The following STX3 variants were observed in gnomAD, a reference collection of about 807,000 sequenced individuals.
STX3 encodes syntaxin 3.
STX3 carries 19 observed loss-of-function variants against 40.2 expected under a neutral mutation model. The ratio of observed to expected loss-of-function variants is 0.47; its 90% confidence interval spans 0.33 to 0.69. The LOEUF (loss-of-function observed/expected upper bound fraction) is 0.69. Among genes scored for constraint, STX3 ranks in the 30% least tolerant of loss-of-function variants. The pLI, the probability that STX3 is intolerant of heterozygous loss-of-function variation, is 0.02. For synonymous variants in STX3, 122 were observed against 132.2 expected (o/e 0.92, Z 0.53); for missense variants, 364 against 366.7 (o/e 0.99, Z 0.06).
At chr11:59,772,974 AACAC>A (rs3035302) in intron 1 of STX3, among the ~76,000 whole-genome samples, 5,231 of 140,592 alleles carry the variant, frequency 0.037, 184 homozygotes, top group African/African-American at 0.1. Flanking sequence ...CCCTGAAAGA[AACAC>A]ACACACACAC....
chr11:59,779,276 C>T (rs532174940), intron 2 of STX3, among the ~76,000 whole-genome samples: 2 of 152,300 alleles, frequency 1.3e-5, no homozygotes, highest in South Asian at 2.1e-4. Context: ...CCAGCATGAT[C>T]GGGTTCTGGT....
intron 2 of STX3, chr11:59,781,246 A>T (rs921871304): frequency 2.0e-5 from 22 of 1,096,196 alleles, no homozygotes; most frequent in South Asian, 1.3e-5. Context: ...CAGTATGGAG[A>T]TTTGCTCATT....
chr11:59,755,735 G>A (rs1862675967), intron 1 of STX3, 100 bp downstream of exon 1: 2 of 1,405,444 alleles, frequency 1.4e-6, no homozygotes, highest in African/African-American at 1.5e-5. Flanking sequence ...GGCCCGAGCC[G>A]GAGGCTTGCC....
rs996538708 is a variant in STX3 at position 59,788,782 on chromosome 11, A to G, written c.215-91A>G. 3 of 1,097,182 alleles carry G rather than the reference A, an allele frequency of 2.7e-6. No individual in the cohort carries two copies. The African/African-American group carries it at 4.7e-5, about 17-fold the overall frequency. The allele number at this position is 1,097,182 out of a possible 1,614,324, so 68.0% of individuals were successfully genotyped here. A position where few individuals can be genotyped will look rare whatever the true frequency, so the allele number is the denominator to read the frequency against. On this transcript the variant is annotated intron_variant, in intron 3 of 10. Transcript: ENST00000337979. ...CATTCTGGGCAGTGGATGCCCGATA[A>G]AGCTCCCCTCCTCTGATGATGATTG...
chr11:59,791,710 A>G (rs1265611209), intron 5 of STX3, among the ~76,000 whole-genome samples: 1 of 152,172 alleles, frequency 6.6e-6, no homozygotes, highest in Non-Finnish European at 1.5e-5. Flanking sequence ...AGTTGGGGAG[A>G]TGAGTTTAGC....
At chr11:59,795,565 T>C (rs1565191070) in intron 9 of STX3, 83 bp downstream of exon 9, 2 of 1,548,218 alleles carry the variant, frequency 1.3e-6, no homozygotes, top group East Asian at 2.4e-5. Flanking sequence ...TCCCTGTCTC[T>C]GTTTCTGCTG....
intron 1 of STX3, among the ~76,000 whole-genome samples, chr11:59,757,733 G>A (rs1862799653): frequency 6.7e-6 from 1 of 150,118 alleles, no homozygotes; most frequent in East Asian, 1.9e-4. Flanking sequence ...ACTGATCACT[G>A]TGCTTCTTTG....
At chr11:59,773,726 G>A (rs959438580) in intron 2 of STX3, among the ~76,000 whole-genome samples, 2 of 152,004 alleles carry the variant, frequency 1.3e-5, no homozygotes, top group Non-Finnish European at 2.9e-5. Flanking sequence ...ACACCTGTAA[G>A]CCCAGCACTT....
intron 10 of STX3, chr11:59,800,403 C>A (rs1865815987): frequency 1.0e-6 from 1 of 985,210 alleles, no homozygotes; most frequent in Non-Finnish European, 1.2e-6. Context: ...TAAGGTGGAG[C>A]AGCCATAATA....
At chr11:59,783,765 G>T (rs1465463831) in intron 2 of STX3, among the ~76,000 whole-genome samples, 1 of 152,140 alleles carries the variant, frequency 6.6e-6, no homozygotes, top group Non-Finnish European at 1.5e-5. Flanking sequence ...GTACTTCTAA[G>T]AAAAAGCAAA....
Position 59,758,637 on chromosome 11 carries a change from C to T in STX3, c.30+3002C>T, listed in dbSNP as rs189146467. ...ATCTCATCTCTTCTCTTGCACTGCTCTTCCTGGTGGGCTCCCTCGACAGCC... is the reference window on the plus strand; with the variant it reads ...ATCTCATCTCTTCTCTTGCACTGCTTTTCCTGGTGGGCTCCCTCGACAGCC... On this transcript the variant is annotated intron_variant, in intron 1 of 10. Coordinates refer to ENST00000337979, the MANE Select transcript of STX3 (RefSeq NM_004177.5). Among the ~76,000 whole-genome samples, 5 of 152,340 alleles carry T rather than the reference C, an allele frequency of 3.3e-5. No homozygotes were observed. In the East Asian group the frequency reaches 7.7e-4, roughly 24 times the overall value.
rs188824241 is a variant in STX3 at position 59,803,235 on chromosome 11, G to C, written c.*2411G>C. The C allele has an allele frequency of 8.1e-7, 1 of 1,231,670 alleles. No homozygotes were observed. The highest frequency in any genetic ancestry group is 1.0e-6 in the Non-Finnish European group (1 of 987,948). The allele number at this position is 1,231,670 out of a possible 1,614,324, so 76.3% of individuals were successfully genotyped here. On this transcript the variant is annotated 3_prime_UTR_variant, in exon 11 of 11. Transcript: ENST00000337979. ...ATGAGCAGAAGAAGATCATGATCAT[G>C]ATCTGCTGTATTATCCTTGCGATCA...
At chr11:59,766,502 C>A (rs1863290326) in intron 1 of STX3, among the ~76,000 whole-genome samples, 1 of 152,206 alleles carries the variant, frequency 6.6e-6, no homozygotes, top group South Asian at 2.1e-4. Context: ...GCTACGTCCC[C>A]CCATTGGCTC....
intron 2 of STX3, chr11:59,781,199 A>G (rs1334409776): frequency 4.2e-6 from 3 of 711,720 alleles, no homozygotes; most frequent in Non-Finnish European, 7.0e-6. Flanking sequence ...TATGATAAAG[A>G]TAATTGAACA....
At position 59,802,536 on chromosome 11, in the gene STX3, A is replaced by G; in HGVS notation, c.*1712A>G. ...CAGACAGTGGATGGGCTCCAGCAAC[A>G]AGAGACAAAATAACTAAAGGCCTTT... On this transcript the variant is annotated 3_prime_UTR_variant, in exon 11 of 11. Transcript: ENST00000337979. The G allele has an allele frequency of 1.0e-6, 1 of 985,872 alleles. No homozygotes were observed. The highest frequency in any genetic ancestry group is 1.2e-6 in the Non-Finnish European group (1 of 829,936). 61.1% of individuals were successfully genotyped at this position (985,872 alleles called of 1,614,324 possible).
chr11:59,776,676 A>G (rs1244818577), intron 2 of STX3, among the ~76,000 whole-genome samples: 1 of 152,210 alleles, frequency 6.6e-6, no homozygotes, highest in African/African-American at 2.4e-5. Flanking sequence ...CAGCTTAGTC[A>G]TAGAGGTATT....
chr11:59,784,824 G>A (rs567114878), intron 2 of STX3, among the ~76,000 whole-genome samples: 11 of 152,216 alleles, frequency 7.2e-5, no homozygotes, highest in African/African-American at 2.2e-4. Flanking sequence ...GATTTGGGTC[G>A]GGACACAGAG....
At chr11:59,772,974 A>AACACACAC (rs3035302) in intron 1 of STX3, among the ~76,000 whole-genome samples, 202 of 140,674 alleles carry the variant, frequency 1.4e-3, no homozygotes, top group South Asian at 0.011. Flanking sequence ...CCCTGAAAGA[A>AACACACAC]ACACACACAC....
chr11:59,787,508 A>G (rs1332551359), intron 3 of STX3, among the ~76,000 whole-genome samples: 1 of 152,044 alleles, frequency 6.6e-6, no homozygotes, highest in East Asian at 1.9e-4. Flanking sequence ...TCTGAATCCT[A>G]CCAGATCAAG....
Sources: allele counts gnomAD v4.1 joint callset (sites outside exome capture counted in the v4.1 genomes callset), GRCh38; gene constraint gnomAD v4.1.1; transcripts MANE v1.5; gene names NCBI Gene and HGNC (gene_info 2026-07-23, HGNC 2026-07-21).